The following ATP11A variants were observed in gnomAD, a reference collection of about 807,000 sequenced individuals.
ATP11A encodes the protein ATPase phospholipid transporting 11A, also known as phospholipid-transporting ATPase IH.
ATP11A carries 81 observed loss-of-function variants against 154.4 expected under a neutral mutation model. That is an observed-to-expected ratio of 0.52 (90% confidence interval 0.44 to 0.63). ATP11A has a LOEUF of 0.63. ATP11A is among the 30% of genes least tolerant of loss of function. The pLI, the probability that ATP11A is intolerant of heterozygous loss-of-function variation, is 0.00. For synonymous variants in ATP11A, 623 were observed against 585.9 expected, an observed-to-expected ratio of 1.06 and a Z score of -0.91; for missense variants, 1,316 against 1,474.3, an observed-to-expected ratio of 0.89 and a Z score of 1.76.
intron 5 of ATP11A, among the ~76,000 whole-genome samples, chr13:112,812,324 C>A (rs983246174): frequency 6.6e-6 from 1 of 152,212 alleles, no homozygotes. Context: ...CCTGCCCCCA[C>A]TGGTCCTCGT....
chr13:112,778,628 T>TGAG (rs1341795570), intron 1 of ATP11A, among the ~76,000 whole-genome samples: 4 of 99,282 alleles, frequency 4.0e-5, no homozygotes, highest in South Asian at 3.5e-4. Context: ...GCCACTGGAG[T>TGAG]GAGTAGCCGC....
At chr13:112,830,089 A>G (rs144834662) in intron 12 of ATP11A, among the ~76,000 whole-genome samples, 3 of 152,356 alleles carry the variant, frequency 2.0e-5, no homozygotes, top group East Asian at 1.9e-4. Flanking sequence ...TGAAGATTAA[A>G]TGAGGCTCTG....
chr13:112,710,223 T>C (rs1255549265), intron 1 of ATP11A, among the ~76,000 whole-genome samples: 2 of 152,206 alleles, frequency 1.3e-5, no homozygotes, highest in Non-Finnish European at 2.9e-5. Flanking sequence ...TTAAGTTGTG[T>C]CTGCTGCCTT....
At chr13:112,749,710 A>C (rs1347665167) in intron 1 of ATP11A, among the ~76,000 whole-genome samples, 2 of 150,712 alleles carry the variant, frequency 1.3e-5, no homozygotes, top group East Asian at 3.9e-4. Context: ...TGCGGGGTTG[A>C]ATCCCCTTCA....
intron 25 of ATP11A, among the ~76,000 whole-genome samples, chr13:112,871,165 A>G (rs2080507556): frequency 6.6e-6 from 1 of 151,806 alleles, no homozygotes; most frequent in Admixed American, 6.6e-5. Context: ...CTCTGCATTT[A>G]CTCGCAGAAC....
chr13:112,782,307 C>T (rs2077520105), intron 1 of ATP11A, among the ~76,000 whole-genome samples: 1 of 152,124 alleles, frequency 6.6e-6, no homozygotes, highest in Non-Finnish European at 1.5e-5. Flanking sequence ...TCCAGGGAAG[C>T]GTTCAGCTTT....
At chr13:112,705,069 C>A (rs1372349191) in intron 1 of ATP11A, among the ~76,000 whole-genome samples, 1 of 152,224 alleles carries the variant, frequency 6.6e-6, no homozygotes, top group African/African-American at 2.4e-5. Flanking sequence ...GACGTGATTT[C>A]ACTCAGATAA....
At position 112,759,273 on chromosome 13, in the gene ATP11A, C is replaced by T. The variant is rs1319767385; in HGVS notation, c.40-25862C>T. 2.6e-5 allele frequency among the ~76,000 whole-genome samples: 4 copies of T among 152,120 alleles called. No homozygotes were observed. The East Asian group carries it at 7.7e-4, about 29-fold the overall frequency. On this transcript the variant is annotated intron_variant, in intron 1 of 29. Transcript: ENST00000375645. ...CCCTCTGGTGAGGTTCTTCCTGTTGCGTGCTGGGGTTTAAACCTGGATCTG... is the reference window on the plus strand; with the variant it reads ...CCCTCTGGTGAGGTTCTTCCTGTTGTGTGCTGGGGTTTAAACCTGGATCTG...
At chr13:112,836,972 A>T (rs653459) in intron 16 of ATP11A, among the ~76,000 whole-genome samples, 56,679 of 152,172 alleles carry the variant, frequency 0.37, 12,053 homozygotes, top group African/African-American at 0.57. Flanking sequence ...GCATCCCCCA[A>T]GCACAGGTGG....
At chr13:112,698,908 A>G (rs1886192837) in intron 1 of ATP11A, among the ~76,000 whole-genome samples, 1 of 152,038 alleles carries the variant, frequency 6.6e-6, no homozygotes, top group Non-Finnish European at 1.5e-5. Flanking sequence ...TTGTATTTTT[A>G]GTAGAGACAG....
At chr13:112,852,990 G>A (rs565897456) in intron 18 of ATP11A, among the ~76,000 whole-genome samples, 8 of 152,322 alleles carry the variant, frequency 5.3e-5, no homozygotes, top group South Asian at 2.1e-4. Context: ...GGAGGCTGAT[G>A]CAGGAGGATT....
At chr13:112,752,254 A>G (rs2076710885) in intron 1 of ATP11A, among the ~76,000 whole-genome samples, 1 of 152,208 alleles carries the variant, frequency 6.6e-6, no homozygotes, top group African/African-American at 2.4e-5. Context: ...GGGGATGTAC[A>G]TGGAGAAGAA....
intron 1 of ATP11A, among the ~76,000 whole-genome samples, chr13:112,768,044 G>T (rs1285965388): frequency 2.0e-5 from 3 of 152,328 alleles, no homozygotes; most frequent in East Asian, 3.9e-4. Context: ...TCACCCCTGG[G>T]ATCCGTGTCC....
chr13:112,844,136 C>T (rs958953996), intron 17 of ATP11A, among the ~76,000 whole-genome samples: 6 of 152,188 alleles, frequency 3.9e-5, no homozygotes, highest in Admixed American at 1.3e-4. Flanking sequence ...TTTGCTGTGA[C>T]GTGGTCGCCG....
intron 1 of ATP11A, among the ~76,000 whole-genome samples, chr13:112,750,511 T>A (rs1418106709): frequency 6.7e-5 from 5 of 74,314 alleles, no homozygotes; most frequent in Non-Finnish European, 1.2e-4. Flanking sequence ...GTCTCCATCC[T>A]CCCACGTGGG....
intron 26 of ATP11A, among the ~76,000 whole-genome samples, chr13:112,873,034 T>C (rs8000747): frequency 0.076 from 934 of 12,216 alleles, no homozygotes; most frequent in East Asian, 0.096. Context: ...CTTTGTCTTC[T>C]GGAGCGGTGT....
intron 2 of ATP11A, among the ~76,000 whole-genome samples, chr13:112,799,578 G>A (rs1431051808): frequency 1.3e-5 from 2 of 152,206 alleles, no homozygotes; most frequent in Non-Finnish European, 2.9e-5. Flanking sequence ...TTGATTAGTT[G>A]GGGTGAGGCA....
At chr13:112,729,871 C>T (rs966917201) in intron 1 of ATP11A, among the ~76,000 whole-genome samples, 2 of 152,192 alleles carry the variant, frequency 1.3e-5, no homozygotes, top group African/African-American at 4.8e-5. Flanking sequence ...TTGAAGCAAA[C>T]GGGGAATGGT....
At chr13:112,879,539 C>G (rs1459143997) in intron 29 of ATP11A, among the ~76,000 whole-genome samples, 1 of 152,228 alleles carries the variant, frequency 6.6e-6, no homozygotes, top group Non-Finnish European at 1.5e-5. Context: ...TTGTTGAGAG[C>G]TGATTTGCTT....
Sources: gnomAD v4.1 joint callset for allele counts (sites outside exome capture counted in the v4.1 genomes callset) on GRCh38, gnomAD v4.1.1 for gene constraint, MANE v1.5 for transcripts, NCBI Gene and HGNC (gene_info 2026-07-23, HGNC 2026-07-21) for gene names.